MATCAP2: variants seen among roughly 807,000 people sequenced by gnomAD.
The protein encoded by MATCAP2 is microtubule associated tyrosine carboxypeptidase 2.
At chr7:36,385,210 T>C in the MATCAP2 span, among the ~76,000 whole-genome samples, 4 of 152,248 alleles carry the variant, frequency 2.6e-5, no homozygotes, top group Admixed American at 6.5e-5. Flanking sequence ...CATAAATGGG[T>C]AGCATTGCTG....
At chr7:36,337,568 A>AGAT in the MATCAP2 span, 1 of 152,208 alleles carries the variant, frequency 6.6e-6, no homozygotes. Flanking sequence ...TACATGTACA[A>AGAT]GATCTGGAGT....
the MATCAP2 span, among the ~76,000 whole-genome samples, chr7:36,377,465 G>A: frequency 7.5e-4 from 115 of 152,340 alleles, no homozygotes; most frequent in African/African-American, 2.5e-3. Flanking sequence ...TCTGCCAAGA[G>A]ATCTGCTGTT....
chr7:36,357,031 G>A, the MATCAP2 span: 3 of 1,614,028 alleles, frequency 1.9e-6, no homozygotes, highest in African/African-American at 4.0e-5. Flanking sequence ...CTTTCTCTAA[G>A]TTGGTGGGTT....
chr7:36,366,790 G>C, the MATCAP2 span: 1 of 1,534,014 alleles, frequency 6.5e-7, no homozygotes, highest in Non-Finnish European at 8.7e-7. Flanking sequence ...GCCCCGAAGG[G>C]GTCGGGGCGC....
At chr7:36,348,971 G>GA in the MATCAP2 span, among the ~76,000 whole-genome samples, 1 of 152,284 alleles carries the variant, frequency 6.6e-6, no homozygotes, top group South Asian at 2.1e-4. Context: ...GAAAAACAAA[G>GA]AAAAACACAC....
the MATCAP2 span, among the ~76,000 whole-genome samples, chr7:36,338,568 C>T: frequency 6.6e-6 from 1 of 152,016 alleles, no homozygotes. Context: ...GCTGGGATTA[C>T]AGGTATGAGT....
the MATCAP2 span, among the ~76,000 whole-genome samples, chr7:36,385,875 G>A: frequency 5.3e-5 from 8 of 150,532 alleles, no homozygotes; most frequent in African/African-American, 9.7e-5. Flanking sequence ...GAACTGTTGG[G>A]TAGGCGCAGT....
chr7:36,342,301 T>G, the MATCAP2 span, among the ~76,000 whole-genome samples: 5 of 152,026 alleles, frequency 3.3e-5, no homozygotes, highest in Admixed American at 2.0e-4. Flanking sequence ...TGCCTCAGCC[T>G]CCCAAGTAGC....
chr7:36,336,342 C>T, the MATCAP2 span: 1 of 1,341,686 alleles, frequency 7.5e-7, no homozygotes, highest in South Asian at 1.3e-5. Context: ...CCTCATATTA[C>T]TTTGAGATGT....
the MATCAP2 span, among the ~76,000 whole-genome samples, chr7:36,386,278 A>G: frequency 6.6e-6 from 1 of 152,234 alleles, no homozygotes; most frequent in African/African-American, 2.4e-5. Flanking sequence ...AACAAGATCA[A>G]TCCAGATAGT....
the MATCAP2 span, among the ~76,000 whole-genome samples, chr7:36,362,026 G>A: frequency 3.3e-5 from 5 of 152,166 alleles, no homozygotes; most frequent in Non-Finnish European, 7.3e-5. Flanking sequence ...AGGATACCAG[G>A]AAACCTACCA....
the MATCAP2 span, among the ~76,000 whole-genome samples, chr7:36,353,139 T>C: frequency 6.6e-6 from 1 of 152,096 alleles, no homozygotes; most frequent in Non-Finnish European, 1.5e-5. Context: ...CCTGGTGTGC[T>C]GGTGCACGCC....
chr7:36,350,592 T>A, the MATCAP2 span, among the ~76,000 whole-genome samples: 4 of 149,198 alleles, frequency 2.7e-5, no homozygotes, highest in East Asian at 7.9e-4. Context: ...TGTAGTGCAA[T>A]GGCATGATCT....
the MATCAP2 span, chr7:36,384,022 A>T: frequency 1.6e-5 from 7 of 435,666 alleles, no homozygotes; most frequent in African/African-American, 6.2e-5. Flanking sequence ...ATAGTATTTT[A>T]AAAAGTATAA....
the MATCAP2 span, among the ~76,000 whole-genome samples, chr7:36,365,054 T>C: frequency 2.6e-5 from 4 of 152,212 alleles, no homozygotes; most frequent in Non-Finnish European, 4.4e-5. Context: ...GTGGGTCTAC[T>C]ACTTTCTAAA....
At chr7:36,354,592 T>C in the MATCAP2 span, among the ~76,000 whole-genome samples, 1 of 152,248 alleles carries the variant, frequency 6.6e-6, no homozygotes, top group African/African-American at 2.4e-5. Flanking sequence ...GCCTTGAAGC[T>C]GCTGCTTTAT....
At chr7:36,357,427 G>A in the MATCAP2 span, 14 of 1,614,038 alleles carry the variant, frequency 8.7e-6, no homozygotes, top group African/African-American at 1.7e-4. Flanking sequence ...TTTCCTCCTT[G>A]CTCTGTAGTA....
chr7:36,353,889 TTAAGA>T, the MATCAP2 span, among the ~76,000 whole-genome samples: 486 of 152,288 alleles, frequency 3.2e-3, 2 homozygotes, highest in African/African-American at 7.8e-3. Flanking sequence ...TCACATGAAC[TTAAGA>T]TAATATGCAG....
chr7:36,364,486 C>T, the MATCAP2 span, among the ~76,000 whole-genome samples: 1 of 151,980 alleles, frequency 6.6e-6, no homozygotes, highest in Non-Finnish European at 1.5e-5. Flanking sequence ...ACTAATAAGT[C>T]AAAAGTGGGT....
Sources: gnomAD v4.1 joint callset for allele counts (sites outside exome capture counted in the v4.1 genomes callset) on GRCh38, gnomAD v4.1.1 for gene constraint, MANE v1.5 for transcripts, NCBI Gene and HGNC (gene_info 2026-07-23, HGNC 2026-07-21) for gene names.